ADAMTSL4: variants seen among roughly 807,000 people sequenced by gnomAD.
ADAMTSL4 encodes ADAMTS-like protein 4.
Under a neutral mutation model 122.8 loss-of-function variants are expected in ADAMTSL4, and 97 were observed. The ratio of observed to expected loss-of-function variants is 0.79; its 90% CI spans 0.67 to 0.93. The LOEUF (loss-of-function observed/expected upper bound fraction) is 0.93, where lower values mean the gene tolerates loss of function less well. Among genes scored for constraint, ADAMTSL4 ranks in the 40% least tolerant of loss-of-function variants. The probability of loss-of-function intolerance (pLI) is 0.00; values close to 1 mark genes in which losing one functional copy is unlikely to be tolerated. For missense variants in ADAMTSL4, 1,408 were observed against 1,453.5 expected (o/e 0.97, Z 0.51); for synonymous variants, 592 against 568.0 (o/e 1.04, Z -0.60).
chr1:150,557,432 G>A (rs1570952561), intron 12 of ADAMTSL4, 62 bp from the exon 13 acceptor site: 2 of 1,611,190 alleles, frequency 1.2e-6, no homozygotes, highest in East Asian at 2.2e-5. Context: ...CCCTGCGTCT[G>A]GGACACCACT....
Position 150,553,109 on chromosome 1 carries a change from C to G in ADAMTSL4, c.290C>G (p.Pro97Arg). 6.2e-7 allele frequency: 1 copy of G among 1,613,312 alleles called. No individual in the cohort carries two copies. The highest frequency in any genetic ancestry group is 8.5e-7 in the Non-Finnish European group (1 of 1,179,792). Reference sequence around the variant, plus strand: ...CCAAGACATCCAGAAGCCCTCCTCCCCCGGGGCCAGGGTCCCAGACCCCAG... The same window carrying G: ...CCAAGACATCCAGAAGCCCTCCTCCGCCGGGGCCAGGGTCCCAGACCCCAG... ...RPPRHPEALL[P>R]RGQGPRPQTS... Residue 97 changes from proline to arginine, a missense_variant, in exon 5 of 19, where the codon CCC (proline) becomes CGC (arginine). Physicochemically the swap from Pro to Arg is moderately radical, Grantham distance 103. Transcript: ENST00000271643.
In ADAMTSL4 at chr1:150,557,345, C is replaced by T. The variant is rs754782212; in HGVS notation, c.2047+10C>T. 5 of 1,608,446 alleles carry T rather than the reference C, an allele frequency of 3.1e-6. No homozygotes were observed. The highest frequency in any genetic ancestry group is 4.2e-6 in the Non-Finnish European group (5 of 1,177,888). On this transcript the variant is annotated intron_variant, in intron 12 of 18. Transcript: ENST00000271643. ...GCGTCCTGCGGGAAAGGTGAGACAT[C>T]ACAGTGCGTTCCCCGCATCTCGGTC...
rs1217268610 is a variant in ADAMTSL4 at position 150,549,486 on chromosome 1, G to A, written c.-172G>A. On this transcript the variant is annotated 5_prime_UTR_variant, in exon 1 of 19. Transcript: ENST00000271643. This position sits in a 1 kb window ranked among gnomAD's most constrained non-coding sequence, Gnocchi z 5.0. ...GCAGAAGGGTTAACGGGCCACCGGG[G>A]GCTCGCAGAGCAGGTAGAGACCTCC... 6.6e-6 allele frequency: 1 copy of A among 152,266 alleles called. No homozygotes were observed. The highest frequency in any genetic ancestry group is 2.0e-4 in the South Asian group (1 of 4,928). The allele number at this position is 152,266 out of a possible 1,614,324, so 9.4% of individuals were successfully genotyped here. A position where few individuals can be genotyped will look rare whatever the true frequency, so the allele number is the denominator to read the frequency against.
At position 150,550,588 on chromosome 1, in the gene ADAMTSL4, C is replaced by CT. The variant is rs774670900; in HGVS notation, c.-85+694dup. The CT allele has an allele frequency of 5.5e-5, 21 of 380,132 alleles. No individual in the cohort carries two copies. In the East Asian group the frequency reaches 1.2e-3, roughly 21 times the overall value. 23.5% of individuals were successfully genotyped at this position (380,132 alleles called of 1,614,324 possible). ...GCATCAGAGAAGGGGCAGGCAGTGA[C>CT]TATCACCCCATTTCTTCTTCCCTCA... On this transcript the variant is annotated intron_variant, in intron 2 of 18. Transcript: ENST00000271643.
At chr1:150,553,368 G>C in intron 5 of ADAMTSL4, 58 bp from the exon 6 acceptor site, 1 of 1,608,638 alleles carries the variant, frequency 6.2e-7, no homozygotes, top group East Asian at 2.2e-5. Flanking sequence ...AAGTAAACTG[G>C]GGAAACAGGG....
chr1:150,557,210 C>T lies in ADAMTSL4; in HGVS notation c.1922C>T (p.Thr641Ile), dbSNP rs1306157830. 1.9e-6 allele frequency: 3 copies of T among 1,612,200 alleles called. No individual in the cohort carries two copies. The highest frequency in any genetic ancestry group is 1.1e-5 in the South Asian group (1 of 91,048). ...PAPRPARTPGTLQRQVRIPQM... is the reference protein window; with the variant it reads ...PAPRPARTPGILQRQVRIPQM... ...CCCCGCCCAGCCCGGACCCCAGGCA[C>T]CCTCCAGCGTCAGGTGCGGATCCCC... is the stretch of plus-strand genomic sequence containing the variant. The change falls in exon 12 of 19, where the codon ACC becomes ATC. Residue 641 changes from threonine (T) to isoleucine (I), a missense_variant. Coordinates refer to ENST00000271643, the MANE Select transcript of ADAMTSL4 (RefSeq NM_019032.6).
At position 150,557,495 on chromosome 1, in the gene ADAMTSL4, T is replaced by A; in HGVS notation, c.2049T>A (p.Gly683=). Residue 683 remains glycine, a splice_region_variant and synonymous_variant, in exon 13 of 19, where the codon GGT becomes GGA. Transcript: ENST00000271643. The part of the protein sequence containing the change: ...HSACSASCGK[G]VWRPIFLCIS... Reference sequence around the variant, plus strand: ...CTGGCTGCCTTCTCACCCACTCAGGTGTCTGGCGCCCCATTTTCCTCTGCA... The same window carrying A: ...CTGGCTGCCTTCTCACCCACTCAGGAGTCTGGCGCCCCATTTTCCTCTGCA... 1 of 1,613,140 alleles carries A rather than the reference T, an allele frequency of 6.2e-7. No individual in the cohort carries two copies.
rs2101663467 is a variant in ADAMTSL4 at position 150,559,503 on chromosome 1, C to T, written c.2943+37C>T. On this transcript the variant is annotated intron_variant, in intron 17 of 18. Transcript: ENST00000271643. The surrounding 1 kb of genome is among the most constrained non-coding windows in gnomAD (Gnocchi z 4.1). The stretch of plus-strand genomic sequence containing the variant: ...GCTGCGCTGTCCTGCCCTGCTCAGC[C>T]TGGGCCCCTAGGGGAGGGGAGCTCC... 1 of 1,611,348 alleles carries T rather than the reference C, an allele frequency of 6.2e-7. No individual in the cohort carries two copies. The highest frequency in any genetic ancestry group is 8.5e-7 in the Non-Finnish European group (1 of 1,179,784).
Position 150,558,009 on chromosome 1 carries a change from C to T in ADAMTSL4, c.2242C>T (p.Leu748=), listed in dbSNP as rs1352196434. The change falls in exon 14 of 19, where the codon CTG becomes TTG. Residue 748 remains leucine (L), a synonymous_variant. Transcript: ENST00000271643. The stretch of plus-strand genomic sequence containing the variant: ...TGGCCCCGGCACCCAGCACCGCCAG[C>T]TGCAGTGCCGGCAGGAATTTGGGGG... The part of the protein sequence containing the change: ...SCGPGTQHRQ[L]QCRQEFGGGG... The T allele has an allele frequency of 2.5e-6, 4 of 1,612,430 alleles. No homozygotes were observed. The highest frequency in any genetic ancestry group is 3.4e-6 in the Non-Finnish European group (4 of 1,179,820).
intron 8 of ADAMTSL4, among the ~76,000 whole-genome samples, chr1:150,555,771 G>A (rs112936070): frequency 6.0e-5 from 9 of 151,018 alleles, no homozygotes; most frequent in African/African-American, 2.2e-4. Flanking sequence ...ACATGCATAT[G>A]CAGACACATG....
chr1:150,552,286 G>T lies in ADAMTSL4; in HGVS notation c.-3G>T. 1 of 1,554,698 alleles carries T rather than the reference G, an allele frequency of 6.4e-7. No individual in the cohort carries two copies. The highest frequency in any genetic ancestry group is 8.7e-7 in the Non-Finnish European group (1 of 1,148,284). Reference sequence around the variant, plus strand: ...CTCCCCCTGGGGCAGTAGAGGGGGAGCGATGGAGAACTGGACTGGCAGGTG... The same window carrying T: ...CTCCCCCTGGGGCAGTAGAGGGGGATCGATGGAGAACTGGACTGGCAGGTG... On this transcript the variant is annotated 5_prime_UTR_variant, in exon 3 of 19. Transcript: ENST00000271643. The surrounding 1 kb of genome is among the most constrained non-coding windows in gnomAD (Gnocchi z 4.0).
At chr1:150,551,341 A>G (rs773990555) in intron 2 of ADAMTSL4, 1 of 312,370 alleles carries the variant, frequency 3.2e-6, no homozygotes, top group Non-Finnish European at 6.4e-6. Flanking sequence ...CCGTCAACCC[A>G]TTTAGCTTAT....
In ADAMTSL4 at chr1:150,557,255, A is replaced by G. The variant is rs1672242914; in HGVS notation, c.1967A>G (p.His656Arg). The G allele has an allele frequency of 9.3e-6, 14 of 1,508,232 alleles. No homozygotes were observed. In the East Asian group the frequency reaches 3.9e-4, roughly 43 times the overall value. The allele number at this position is 1,508,232 out of a possible 1,614,324, so 93.4% of individuals were successfully genotyped here. Residue 656 changes from histidine (H) to arginine (R), a missense_variant, in exon 12 of 19, where the codon CAT becomes CGT. Coordinates refer to ENST00000271643, the MANE Select transcript of ADAMTSL4 (RefSeq NM_019032.6). ...VRIPQMPAPP[H>R]PRTPLGSPAA... ...ATCCCCCAGATGCCCGCCCCGCCCC[A>G]TCCCAGGACACCCCTGGGGTCTCCA...
Position 150,559,939 on chromosome 1 carries a change from G to A in ADAMTSL4, c.3088+34G>A, listed in dbSNP as rs747805308. The A allele has an allele frequency of 1.9e-6, 3 of 1,613,772 alleles. No homozygotes were observed. Among genetic ancestry groups the A allele is most frequent in the Non-Finnish European group, 2.5e-6 (3 of 1,180,014 alleles). On this transcript the variant is annotated intron_variant, in intron 18 of 18. Transcript: ENST00000271643. The surrounding 1 kb of genome is among the most constrained non-coding windows in gnomAD (Gnocchi z 4.1). Reference sequence around the variant, plus strand: ...CCCCCTCTCCCCAATCCCCAATACAGTGGATTAGCTGAAGTATGGGAGGAG... The same window carrying A: ...CCCCCTCTCCCCAATCCCCAATACAATGGATTAGCTGAAGTATGGGAGGAG...
At chr1:150,557,664 A>T (rs1457039629) in intron 13 of ADAMTSL4, 41 bp downstream of exon 13, 4 of 1,579,918 alleles carry the variant, frequency 2.5e-6, no homozygotes, top group Non-Finnish European at 3.4e-6. Flanking sequence ...AGGGTACTGG[A>T]AACACAGCAG....
Position 150,553,485 on chromosome 1 carries a change from C to G in ADAMTSL4, c.494C>G (p.Ala165Gly). The part of the protein sequence containing the change: ...GMFGYGRVPF[A>G]LPLHRNRRHP... ...TTCGGTTATGGGAGAGTGCCCTTTG[C>G]ATTGCCACTGCACCGGAACCGCAGG... Residue 165 changes from alanine to glycine, a missense_variant, in exon 6 of 19, where the codon GCA becomes GGA. Coordinates refer to ENST00000271643, the MANE Select transcript of ADAMTSL4 (RefSeq NM_019032.6). 6.2e-7 allele frequency: 1 copy of G among 1,613,964 alleles called. No individual in the cohort carries two copies. Among genetic ancestry groups the G allele is most frequent in the Non-Finnish European group, 8.5e-7 (1 of 1,179,958 alleles).
chr1:150,555,405 C>T (rs772566618), intron 7 of ADAMTSL4, 24 bp from the exon 8 acceptor site: 2 of 1,613,410 alleles, frequency 1.2e-6, no homozygotes, highest in Admixed American at 3.3e-5. Flanking sequence ...AGCCCACTAA[C>T]CACCCTTCTA....
At position 150,552,941 on chromosome 1, in the gene ADAMTSL4, A is replaced by G. The variant is rs749626359; in HGVS notation, c.122A>G (p.Gln41Arg). The change falls in exon 5 of 19, where the codon CAG (glutamine) becomes CGG (arginine). Residue 41 changes from glutamine (Q) to arginine (R), a missense_variant. Physicochemically the swap from Gln to Arg is conservative, Grantham distance 43. Transcript: ENST00000271643. The surrounding 1 kb of genome is among the most constrained non-coding windows in gnomAD (Gnocchi z 4.0). ...CTTCAGACACCTACAGAGGAGGGCC[A>G]GGGCCCCGAAGGTGTCTGGGGACCT... Reference protein sequence around the residue: ...HSLQTPTEEGQGPEGVWGPWV... With the variant: ...HSLQTPTEEGRGPEGVWGPWV... 15 of 1,613,070 alleles carry G rather than the reference A, an allele frequency of 9.3e-6. No homozygotes were observed. Among genetic ancestry groups the G allele is most frequent in the Non-Finnish European group, 1.3e-5 (15 of 1,179,986 alleles).
In ADAMTSL4 at chr1:150,554,355, C is replaced by G; in HGVS notation, c.1132-10C>G. The G allele has an allele frequency of 6.2e-7, 1 of 1,611,820 alleles. No individual in the cohort carries two copies. The highest frequency in any genetic ancestry group is 8.5e-7 in the Non-Finnish European group (1 of 1,179,200). Reference sequence around the variant, plus strand: ...CCCCAGCTCTGACTCCTTTGTACCCCTCACCGCAGCCCTGCCCCCCTGAGC... The same window carrying G: ...CCCCAGCTCTGACTCCTTTGTACCCGTCACCGCAGCCCTGCCCCCCTGAGC... On this transcript the variant is annotated splice_polypyrimidine_tract_variant and intron_variant, in intron 6 of 18. Coordinates refer to ENST00000271643, the MANE Select transcript of ADAMTSL4 (RefSeq NM_019032.6). The surrounding 1 kb of genome is among the most constrained non-coding windows in gnomAD (Gnocchi z 4.0).
Sources: gnomAD v4.1 joint callset for allele counts (sites outside exome capture counted in the v4.1 genomes callset) on GRCh38, gnomAD v4.1.1 for gene constraint, Gnocchi (gnomAD v3.1) non-coding constraint, MANE v1.5 for transcripts, NCBI Gene and HGNC (gene_info 2026-07-23, HGNC 2026-07-21) for gene names.